The following PLEKHA7 variants were observed in gnomAD, a reference collection of about 807,000 sequenced individuals.
PLEKHA7 encodes the protein pleckstrin homology domain containing A7.
A neutral mutation model predicts 170.0 loss-of-function variants in PLEKHA7; 104 were observed. The ratio of observed to expected loss-of-function variants is 0.61; its 90% CI spans 0.52 to 0.72. The LOEUF (loss-of-function observed/expected upper bound fraction) is 0.72. Ranked by LOEUF, PLEKHA7 falls within the 30% of genes least tolerant of loss-of-function variation. PLEKHA7 has a pLI of 0.00. For missense variants in PLEKHA7, 1,615 were observed against 1,671.7 expected (o/e 0.97, Z 0.59); for synonymous variants, 648 against 660.8 (o/e 0.98, Z 0.30).
chr11:16,888,848 C>T (rs1292478268), intron 3 of PLEKHA7, among the ~76,000 whole-genome samples: 1 of 137,048 alleles, frequency 7.3e-6, no homozygotes, highest in African/African-American at 2.7e-5. Context: ...TCAATAAATA[C>T]TAAAAAAAAA....
At chr11:16,940,714 CTTTT>C (rs201851188) in intron 3 of PLEKHA7, among the ~76,000 whole-genome samples, 5 of 151,976 alleles carry the variant, frequency 3.3e-5, no homozygotes, top group Non-Finnish European at 7.4e-5. Flanking sequence ...AGATAATTAC[CTTTT>C]TTTGTTTGTT....
rs892821897 is a variant in PLEKHA7 at position 16,836,521 on chromosome 11, GCTA to G, written c.872+5023_872+5025del. On this transcript the variant is annotated intron_variant, in intron 9 of 26. Transcript: ENST00000531066. Reference sequence around the variant, plus strand: ...GAATCACAGAGGGAGCGAATGAAATGCTACTGTTGGGGCCACCCACTTACAGAG... The same window carrying G: ...GAATCACAGAGGGAGCGAATGAAATGCTGTTGGGGCCACCCACTTACAGAG... 1.2e-3 allele frequency among the ~76,000 whole-genome samples: 185 copies of G among 152,372 alleles called. 5 individuals carry two copies. The highest frequency in any genetic ancestry group is 4.6e-4 in the Admixed American group (7 of 15,312).
At chr11:16,956,981 C>T (rs1402766527) in intron 3 of PLEKHA7, among the ~76,000 whole-genome samples, 3 of 152,130 alleles carry the variant, frequency 2.0e-5, no homozygotes, top group South Asian at 2.1e-4. Flanking sequence ...TAATGTGAGG[C>T]ATTATCACCT....
At chr11:16,935,273 A>G (rs868491528) in intron 3 of PLEKHA7, among the ~76,000 whole-genome samples, 14 of 152,248 alleles carry the variant, frequency 9.2e-5, no homozygotes, top group South Asian at 6.2e-4. Flanking sequence ...CGTCTCCACA[A>G]AAATACAACA....
chr11:16,781,910 G>A (rs1044429362), intron 26 of PLEKHA7, among the ~76,000 whole-genome samples: 1 of 152,122 alleles, frequency 6.6e-6, no homozygotes, highest in African/African-American at 2.4e-5. Context: ...AAGCACACCT[G>A]GCCAGGAGCA....
chr11:17,008,681 A>C (rs1296242830), intron 3 of PLEKHA7, among the ~76,000 whole-genome samples: 3 of 152,168 alleles, frequency 2.0e-5, no homozygotes, highest in African/African-American at 7.2e-5. Flanking sequence ...TAAGTCACAG[A>C]AGTGGGGAAT....
chr11:16,801,314 C>T (rs1268852101), intron 16 of PLEKHA7, among the ~76,000 whole-genome samples: 1 of 152,212 alleles, frequency 6.6e-6, no homozygotes, highest in African/African-American at 2.4e-5. Flanking sequence ...ATTCTCAGCC[C>T]TGGCCTGTAC....
At chr11:16,786,032 C>T (rs1849369837) in intron 24 of PLEKHA7, among the ~76,000 whole-genome samples, 197 bp downstream of exon 24, 1 of 152,242 alleles carries the variant, frequency 6.6e-6, no homozygotes, top group Non-Finnish European at 1.5e-5. Flanking sequence ...CCCTAAATTA[C>T]AGAGAGTTTT....
intron 3 of PLEKHA7, among the ~76,000 whole-genome samples, chr11:16,927,129 G>A (rs1373913434): frequency 6.6e-6 from 1 of 152,150 alleles, no homozygotes; most frequent in African/African-American, 2.4e-5. Context: ...TTGAGACTGC[G>A]GTGATCTGTG....
At chr11:16,803,425 G>C in intron 13 of PLEKHA7, 130 bp from the exon 14 acceptor site, 1 of 920,572 alleles carries the variant, frequency 1.1e-6, no homozygotes, top group South Asian at 1.6e-5. Context: ...AGTATGAGAG[G>C]GACAAAAACT....
chr11:16,996,852 C>T (rs867160599), intron 3 of PLEKHA7, among the ~76,000 whole-genome samples: 13 of 152,100 alleles, frequency 8.5e-5, no homozygotes, highest in South Asian at 2.1e-4. Flanking sequence ...AGGAGAATGG[C>T]GTGAACCTGG....
intron 3 of PLEKHA7, among the ~76,000 whole-genome samples, chr11:16,917,005 G>C (rs1858733130): frequency 6.6e-6 from 1 of 152,106 alleles, no homozygotes; most frequent in South Asian, 2.1e-4. Context: ...GATCAATTGA[G>C]GTCAGGAGTT....
chr11:16,788,521 T>A (rs1159436480), intron 23 of PLEKHA7: 1 of 154,760 alleles, frequency 6.5e-6, no homozygotes, highest in East Asian at 1.9e-4. Context: ...CAAAGGGACC[T>A]AAGGTGACTG....
Position 16,817,844 on chromosome 11 carries a change from C to T in PLEKHA7, c.1344-522G>A, listed in dbSNP as rs576937268. Among the ~76,000 whole-genome samples, 8 of 152,196 alleles carry T rather than the reference C, an allele frequency of 5.3e-5. No individual in the cohort carries two copies. The highest frequency in any genetic ancestry group is 1.0e-4 in the Non-Finnish European group (7 of 68,034). On this transcript the variant is annotated intron_variant, in intron 10 of 26. Coordinates refer to ENST00000531066, the MANE Select transcript of PLEKHA7 (RefSeq NM_001329630.2). The surrounding 1 kb of genome is among the most constrained non-coding windows in gnomAD (Gnocchi z 4.4). ...TCCTAATGGGTTTCCACTTTGTCCA[C>T]AGTCAAGTGCTCTGATCATATCAGT...
chr11:16,894,820 T>TAA (rs1856898980), intron 3 of PLEKHA7, among the ~76,000 whole-genome samples: 1 of 151,876 alleles, frequency 6.6e-6, no homozygotes, highest in Non-Finnish European at 1.5e-5. Flanking sequence ...CCACACAAGG[T>TAA]AAAAGAGAGA....
intron 3 of PLEKHA7, among the ~76,000 whole-genome samples, chr11:16,993,954 G>T (rs1864191584): frequency 6.6e-6 from 1 of 152,188 alleles, no homozygotes; most frequent in South Asian, 2.1e-4. Flanking sequence ...ATTATCTATG[G>T]CAGATAATTA....
At chr11:16,911,151 G>A (rs1451872265) in intron 3 of PLEKHA7, among the ~76,000 whole-genome samples, 1 of 152,198 alleles carries the variant, frequency 6.6e-6, no homozygotes, top group African/African-American at 2.4e-5. Context: ...GAAACAGCAC[G>A]AGGAAATCAA....
At position 16,855,789 on chromosome 11, in the gene PLEKHA7, G is replaced by T. The variant is rs1423748645; in HGVS notation, c.417+14C>A. On this transcript the variant is annotated intron_variant, in intron 5 of 26. Transcript: ENST00000531066. Reference sequence around the variant, plus strand: ...AAAAGAAGGGAAGGAAGGAACAAGTGGCCAGGAGCTCACCTTGGGTCCAGG... The same window carrying T: ...AAAAGAAGGGAAGGAAGGAACAAGTTGCCAGGAGCTCACCTTGGGTCCAGG... 6.4e-7 allele frequency: 1 copy of T among 1,563,720 alleles called. No homozygotes were observed. The highest frequency in any genetic ancestry group is 8.8e-7 in the Non-Finnish European group (1 of 1,139,510).
chr11:16,955,973 C>A (rs1293402404), intron 3 of PLEKHA7, among the ~76,000 whole-genome samples: 1 of 152,006 alleles, frequency 6.6e-6, no homozygotes, highest in Non-Finnish European at 1.5e-5. Flanking sequence ...TTAAGGTAGG[C>A]CTGGGCAACA....
Sources: allele counts gnomAD v4.1 joint callset (sites outside exome capture counted in the v4.1 genomes callset), GRCh38; gene constraint gnomAD v4.1.1; non-coding constraint Gnocchi (gnomAD v3.1); transcripts MANE v1.5; gene names NCBI Gene and HGNC (gene_info 2026-07-23, HGNC 2026-07-21).